The following ZNF66 variants were observed in gnomAD, a reference collection of about 807,000 sequenced individuals.
ZNF66 encodes zinc finger protein 66.
A neutral mutation model predicts 35.2 loss-of-function variants in ZNF66; 32 were observed. The ratio of observed to expected loss-of-function variants is 0.91; its 90% CI spans 0.69 to 1.22. The LOEUF is 1.22. ZNF66 is among the 50% of genes most tolerant of loss of function. The pLI, the probability that ZNF66 is intolerant of heterozygous loss-of-function variation, is 0.00. For synonymous variants in ZNF66, 231 were observed against 181.3 expected, an observed-to-expected ratio of 1.27 and a Z score of -2.20; for missense variants, 666 against 543.1, an observed-to-expected ratio of 1.23 and a Z score of -2.25.
chr19:20,797,654 C>G (rs1971408608), intron 3 of ZNF66, among the ~76,000 whole-genome samples: 1 of 151,544 alleles, frequency 6.6e-6, no homozygotes, highest in Non-Finnish European at 1.5e-5. Context: ...ACCTCTTCCT[C>G]GAGGGCTCAA....
chr19:20,789,836 G>A (rs1234741335), intron 1 of ZNF66, among the ~76,000 whole-genome samples: 1 of 152,122 alleles, frequency 6.6e-6, no homozygotes, highest in East Asian at 1.9e-4. Context: ...TCATGCTCTT[G>A]AGCACACAGT....
intron 1 of ZNF66, among the ~76,000 whole-genome samples, chr19:20,790,862 T>C (rs1971330827): frequency 6.6e-6 from 1 of 152,210 alleles, no homozygotes; most frequent in Non-Finnish European, 1.5e-5. Flanking sequence ...TCTCTACTTG[T>C]GTTTTTCCTC....
chr19:20,794,959 C>T (rs1971377611), intron 3 of ZNF66, among the ~76,000 whole-genome samples: 1 of 149,430 alleles, frequency 6.7e-6, no homozygotes, highest in Non-Finnish European at 1.5e-5. Context: ...GCAACCTTTG[C>T]CTCCTGGGCT....
At chr19:20,800,100 T>C (rs1313718259) in intron 3 of ZNF66, among the ~76,000 whole-genome samples, 1 of 152,208 alleles carries the variant, frequency 6.6e-6, no homozygotes, top group Non-Finnish European at 1.5e-5. Context: ...CACTGTAGCC[T>C]CAGCCTCCTG....
At position 20,778,348 on chromosome 19, in the gene ZNF66, C is replaced by A. The variant is rs116474945; in HGVS notation, c.3+1898C>A. Among the ~76,000 whole-genome samples, 288 of 152,318 alleles carry A rather than the reference C, an allele frequency of 1.9e-3. 4 individuals are homozygous for A. Among genetic ancestry groups the A allele is most frequent in the African/African-American group, 6.5e-3 (269 of 41,568 alleles). The stretch of plus-strand genomic sequence containing the variant: ...ATCTTCTGACCTCGTGATCTACCCA[C>A]CTTGGCCTTCCAAAGTGTTGGGATT... On this transcript the variant is annotated intron_variant, in intron 1 of 3. Coordinates refer to ENST00000344519, the MANE Select transcript of ZNF66 (RefSeq NM_001355197.2).
At chr19:20,801,472 T>C (rs180767063) in intron 3 of ZNF66, among the ~76,000 whole-genome samples, 1 of 151,944 alleles carries the variant, frequency 6.6e-6, no homozygotes. Flanking sequence ...GCCTTCCAAG[T>C]AGCTGGGATT....
Position 20,806,036 on chromosome 19 carries a change from C to A in ZNF66, c.436C>A (p.Gln146Lys), listed in dbSNP as rs1185559061. The change falls in exon 4 of 4, where the codon CAA becomes AAA. Residue 146 changes from glutamine to lysine, a missense_variant. Gln to Lys is a moderately conservative substitution (Grantham distance 53). Coordinates refer to ENST00000344519, the MANE Select transcript of ZNF66 (RefSeq NM_001355197.2). Reference sequence around the variant, plus strand: ...GACAACTACCCAAAGCAAAATGTTTCAATGTGATAAACATGGGAAAGTCTT... The same window carrying A: ...GACAACTACCCAAAGCAAAATGTTTAAATGTGATAAACATGGGAAAGTCTT... ...CLTTTQSKMFQCDKHGKVFHQ... is the reference protein window; with the variant it reads ...CLTTTQSKMFKCDKHGKVFHQ... 2.4e-6 allele frequency: 2 copies of A among 831,198 alleles called. No individual in the cohort carries two copies. Among genetic ancestry groups the A allele is most frequent in the East Asian group, 2.4e-5 (1 of 41,480 alleles). The allele number at this position is 831,198 out of a possible 1,614,324, so 51.5% of individuals were successfully genotyped here.
At position 20,809,530 on chromosome 19, in the gene ZNF66, A is replaced by G. The variant is rs1047767503; in HGVS notation, c.*2208A>G. Among the ~76,000 whole-genome samples the G allele has an allele frequency of 2.0e-5, 3 of 152,146 alleles. No individual in the cohort carries two copies. The highest frequency in any genetic ancestry group is 7.2e-5 in the African/African-American group (3 of 41,432). Reference sequence around the variant, plus strand: ...AAGAGAGTGGGGGCCAATATTCAACATTCTTAAAGAAAAGAATTTTCAACC... The same window carrying G: ...AAGAGAGTGGGGGCCAATATTCAACGTTCTTAAAGAAAAGAATTTTCAACC... On this transcript the variant is annotated 3_prime_UTR_variant, in exon 4 of 4. Coordinates refer to ENST00000344519, the MANE Select transcript of ZNF66 (RefSeq NM_001355197.2).
intron 1 of ZNF66, among the ~76,000 whole-genome samples, chr19:20,788,124 C>A (rs945887717): frequency 3.9e-5 from 6 of 152,290 alleles, no homozygotes; most frequent in African/African-American, 1.4e-4. Flanking sequence ...ATGAGAGTTT[C>A]TCCAGTTTCC....
intron 1 of ZNF66, among the ~76,000 whole-genome samples, chr19:20,791,265 G>A (rs535300621): frequency 4.3e-4 from 65 of 152,126 alleles, no homozygotes; most frequent in African/African-American, 1.5e-3. Context: ...CAGGCAGATC[G>A]CCTGAAGTCA....
At chr19:20,778,468 C>T (rs1211904193) in intron 1 of ZNF66, among the ~76,000 whole-genome samples, 9 of 152,118 alleles carry the variant, frequency 5.9e-5, no homozygotes, top group Admixed American at 5.9e-4. Flanking sequence ...GATATATATG[C>T]TTTTCTTATA....
chr19:20,800,209 A>T (rs182980839), intron 3 of ZNF66, among the ~76,000 whole-genome samples: 2 of 152,180 alleles, frequency 1.3e-5, no homozygotes, highest in African/African-American at 4.8e-5. Flanking sequence ...TAGTGTTAGG[A>T]TCTCACTATT....
rs762864466 is a variant in ZNF66 at position 20,807,124 on chromosome 19, C to G, written c.1524C>G (p.Pro508=). 1 of 796,778 alleles carries G rather than the reference C, an allele frequency of 1.3e-6. No individual in the cohort carries two copies. Among genetic ancestry groups the G allele is most frequent in the East Asian group, 2.5e-5 (1 of 40,732 alleles). The allele number at this position is 796,778 out of a possible 1,614,324, so 49.4% of individuals were successfully genotyped here. A position where few individuals can be genotyped will look rare whatever the true frequency, so the allele number is the denominator to read the frequency against. ...THKRIHTADK[P]YKCEECGKDF... Reference sequence around the variant, plus strand: ...AGAGAATTCATACTGCAGATAAACCCTACAAATGTGAAGAATGTGGCAAAG... The same window carrying G: ...AGAGAATTCATACTGCAGATAAACCGTACAAATGTGAAGAATGTGGCAAAG... The change falls in exon 4 of 4, where the codon CCC becomes CCG. Residue 508 remains proline (P), a synonymous_variant. Coordinates refer to ENST00000344519, the MANE Select transcript of ZNF66 (RefSeq NM_001355197.2).
At chr19:20,785,748 TC>T (rs2144895464) in intron 1 of ZNF66, among the ~76,000 whole-genome samples, 1 of 150,186 alleles carries the variant, frequency 6.7e-6, no homozygotes, top group Admixed American at 6.6e-5. Flanking sequence ...TTCTTCTTTT[TC>T]TGTTTTTGTT....
intron 1 of ZNF66, among the ~76,000 whole-genome samples, chr19:20,783,125 C>T (rs1299045237): frequency 2.0e-5 from 3 of 152,096 alleles, no homozygotes; most frequent in East Asian, 3.9e-4. Context: ...CTGCATTCCT[C>T]TTGTCAGCTT....
intron 3 of ZNF66, among the ~76,000 whole-genome samples, chr19:20,796,761 A>C (rs1247976657): frequency 6.6e-6 from 1 of 152,212 alleles, no homozygotes; most frequent in African/African-American, 2.4e-5. Context: ...TATTCTCTGA[A>C]ATTTTACTGC....
intron 1 of ZNF66, among the ~76,000 whole-genome samples, chr19:20,782,435 G>T (rs1271345762): frequency 6.6e-6 from 1 of 152,102 alleles, no homozygotes; most frequent in East Asian, 1.9e-4. Context: ...TATTAGTTCT[G>T]TGAGGAACCG....
chr19:20,804,136 T>C (rs1971477121), intron 3 of ZNF66, among the ~76,000 whole-genome samples: 1 of 152,086 alleles, frequency 6.6e-6, no homozygotes, highest in African/African-American at 2.4e-5. Context: ...ATTTTTGTTT[T>C]TTGCTATTTA....
intron 3 of ZNF66, 123 bp downstream of exon 3, chr19:20,794,001 T>TTTTTTTG (rs368099128): frequency 0.074 from 39,169 of 532,118 alleles, 1,817 homozygotes; most frequent in Non-Finnish European, 0.083. Flanking sequence ...GGGCAGCTGT[T>TTTTTTTG]TTTTTTGTTT....
Sources: gnomAD v4.1 joint callset for allele counts (sites outside exome capture counted in the v4.1 genomes callset) on GRCh38, gnomAD v4.1.1 for gene constraint, MANE v1.5 for transcripts, NCBI Gene and HGNC (gene_info 2026-07-23, HGNC 2026-07-21) for gene names.